Variants in NCOA2 observed in about 807,000 individuals in gnomAD.
NCOA2 encodes the protein nuclear receptor coactivator 2.
A neutral mutation model predicts 145.1 loss-of-function variants in NCOA2; 21 were observed. That is an observed-to-expected ratio of 0.14 (90% CI 0.10 to 0.21). The LOEUF (loss-of-function observed/expected upper bound fraction) is 0.21. Among genes scored for constraint, NCOA2 ranks in the 10% least tolerant of loss-of-function variants. NCOA2 has a pLI of 1.00. For missense variants in NCOA2, 1,472 were observed against 1,837.6 expected (o/e 0.80, Z 3.64); for synonymous variants, 619 against 637.5 (o/e 0.97, Z 0.44).
At chr8:70,146,362 G>A (rs759910548) in intron 12 of NCOA2, among the ~76,000 whole-genome samples, 2 of 152,028 alleles carry the variant, frequency 1.3e-5, no homozygotes, top group Non-Finnish European at 2.9e-5. Flanking sequence ...ATTTGTTAAC[G>A]CTATTAAATT....
intron 1 of NCOA2, among the ~76,000 whole-genome samples, chr8:70,330,293 G>A (rs759406584): frequency 4.6e-5 from 7 of 151,942 alleles, no homozygotes; most frequent in Non-Finnish European, 8.8e-5. Flanking sequence ...GTATGAGCTC[G>A]GTACGGTGGC....
intron 14 of NCOA2, among the ~76,000 whole-genome samples, chr8:70,138,687 G>T (rs1810028150): frequency 6.6e-6 from 1 of 151,788 alleles, no homozygotes; most frequent in South Asian, 2.1e-4. Context: ...CACAATAAAT[G>T]AATTATATGT....
chr8:70,354,610 T>C (rs1161035280), intron 1 of NCOA2, among the ~76,000 whole-genome samples: 1 of 152,198 alleles, frequency 6.6e-6, no homozygotes, highest in Non-Finnish European at 1.5e-5. Context: ...AACCTGGCCC[T>C]TCATCTCTGA....
chr8:70,202,123 A>C (rs1817959698), intron 4 of NCOA2, among the ~76,000 whole-genome samples: 2 of 152,196 alleles, frequency 1.3e-5, no homozygotes, highest in South Asian at 4.1e-4. Context: ...GCAAATGAAA[A>C]CCACAATGAG....
intron 2 of NCOA2, among the ~76,000 whole-genome samples, chr8:70,245,661 TAATA>T (rs995597009): frequency 7.8e-4 from 118 of 152,216 alleles, no homozygotes; most frequent in African/African-American, 2.6e-3. Context: ...GGAATGTTCA[TAATA>T]AATAAAAAAT....
At position 70,157,045 on chromosome 8, in the gene NCOA2, C is replaced by A. The variant is rs1812376327; in HGVS notation, c.1320G>T (p.Arg440Ser). ...PKEQMGMPMGRFGGSGGMNHV... is the reference protein window; with the variant it reads ...PKEQMGMPMGSFGGSGGMNHV... ...GGTTCATTCCCCCAGAACCACCAAA[C>A]CTGCCCATGGGCATGCCCATTTGTT... The change falls in exon 11 of 23, where the codon AGG becomes AGT. Residue 440 changes from arginine (R) to serine (S), a missense_variant. Physicochemically the swap from Arg to Ser is moderately radical, Grantham distance 110. Around this residue, in one of 4 missense-constraint regions of NCOA2, gnomAD observed 953 missense variants for 1,062.1 expected, o/e 0.90. Transcript: ENST00000452400. 3.1e-6 allele frequency: 5 copies of A among 1,613,950 alleles called. No individual in the cohort carries two copies. Among genetic ancestry groups the A allele is most frequent in the African/African-American group, 1.3e-5 (1 of 74,948 alleles).
intron 14 of NCOA2, among the ~76,000 whole-genome samples, chr8:70,138,717 TC>T (rs1810031827): frequency 6.6e-6 from 1 of 152,262 alleles, no homozygotes; most frequent in Non-Finnish European, 1.5e-5. Context: ...TTTTTCTAGA[TC>T]CAAGTAAGTG....
chr8:70,303,244 G>A (rs893385727), intron 1 of NCOA2, among the ~76,000 whole-genome samples: 7 of 152,146 alleles, frequency 4.6e-5, no homozygotes, highest in African/African-American at 1.4e-4. Context: ...AAAGGAGGAT[G>A]GGAGACTGGA....
chr8:70,218,405 C>T (rs1586146017), intron 2 of NCOA2, among the ~76,000 whole-genome samples: 1 of 152,100 alleles, frequency 6.6e-6, no homozygotes, highest in East Asian at 1.9e-4. Context: ...CAATTTTGGC[C>T]TGATAATAAG....
intron 2 of NCOA2, among the ~76,000 whole-genome samples, chr8:70,266,690 C>G (rs1314018490): frequency 6.6e-6 from 1 of 152,186 alleles, no homozygotes; most frequent in Non-Finnish European, 1.5e-5. Flanking sequence ...CAAGTCTTAT[C>G]TAATCCATAA....
Position 70,348,760 on chromosome 8 carries a change from G to A in NCOA2, c.-76-51960C>T, listed in dbSNP as rs1209163501. On this transcript the variant is annotated intron_variant, in intron 1 of 22. Transcript: ENST00000452400. Reference sequence around the variant, plus strand: ...ACCAGGAAATTTGGACAAAGAACTGGTTTGGGTGGAGGGAAGTAAGGAGTT... The same window carrying A: ...ACCAGGAAATTTGGACAAAGAACTGATTTGGGTGGAGGGAAGTAAGGAGTT... 1.1e-4 allele frequency among the ~76,000 whole-genome samples: 17 copies of A among 152,298 alleles called. No homozygotes were observed. The East Asian group carries it at 3.1e-3, about 28-fold the overall frequency.
intron 4 of NCOA2, among the ~76,000 whole-genome samples, chr8:70,203,616 C>T (rs1818150778): frequency 6.6e-6 from 1 of 151,828 alleles, no homozygotes; most frequent in Non-Finnish European, 1.5e-5. Context: ...AACAGAAAAA[C>T]CTACTTTAAA....
At chr8:70,200,346 T>C (rs1467428413) in intron 4 of NCOA2, among the ~76,000 whole-genome samples, 3 of 152,174 alleles carry the variant, frequency 2.0e-5, no homozygotes, top group African/African-American at 7.2e-5. Context: ...GGTTTATCTA[T>C]TCATTTCTAG....
intron 2 of NCOA2, among the ~76,000 whole-genome samples, chr8:70,241,201 C>A (rs900177389): frequency 7.9e-5 from 12 of 152,080 alleles, no homozygotes; most frequent in African/African-American, 2.9e-4. Context: ...TTGGAAGCAG[C>A]AAGTTCTCCA....
chr8:70,332,110 A>G (rs1807165661), intron 1 of NCOA2, among the ~76,000 whole-genome samples: 1 of 152,224 alleles, frequency 6.6e-6, no homozygotes, highest in Admixed American at 6.5e-5. Context: ...AGTATATAGT[A>G]AACAGTAACT....
chr8:70,163,736 G>A (rs1377333163), intron 7 of NCOA2, among the ~76,000 whole-genome samples, 170 bp from the exon 8 acceptor site: 1 of 152,168 alleles, frequency 6.6e-6, no homozygotes, highest in Admixed American at 6.5e-5. Context: ...CATGAAAGTG[G>A]TAGGTGGGTA....
At chr8:70,153,860 T>C (rs1812014679) in intron 11 of NCOA2, among the ~76,000 whole-genome samples, 1 of 152,244 alleles carries the variant, frequency 6.6e-6, no homozygotes, top group Non-Finnish European at 1.5e-5. Flanking sequence ...TATCTAAGTT[T>C]AAGGATTAAT....
At chr8:70,431,552 G>A in the NCOA2 span, among the ~76,000 whole-genome samples, 4 of 152,180 alleles carry the variant, frequency 2.6e-5, no homozygotes, top group African/African-American at 9.6e-5. Context: ...CACTATTTGT[G>A]AAAGGTGGTT....
At chr8:70,438,004 T>C in the NCOA2 span, among the ~76,000 whole-genome samples, 1 of 152,228 alleles carries the variant, frequency 6.6e-6, no homozygotes, top group African/African-American at 2.4e-5. Context: ...GCTTGAAATA[T>C]TATAATTTTG....
Sources: allele counts gnomAD v4.1 joint callset (sites outside exome capture counted in the v4.1 genomes callset), GRCh38; gene constraint gnomAD v4.1.1; regional missense constraint gnomAD v4.1.1; transcripts MANE v1.5; gene names NCBI Gene and HGNC (gene_info 2026-07-23, HGNC 2026-07-21).